The following CFAP70 variants were observed in gnomAD, a reference collection of about 807,000 sequenced individuals.
CFAP70 encodes the protein cilia- and flagella-associated protein 70.
A neutral mutation model predicts 137.6 loss-of-function variants in CFAP70; 81 were observed. That is an observed-to-expected ratio of 0.59 (90% confidence interval 0.49 to 0.71). CFAP70 has a LOEUF of 0.71. CFAP70 is among the 30% of genes least tolerant of loss of function. The probability of loss-of-function intolerance (pLI) is 0.00; values close to 1 mark genes in which losing one functional copy is unlikely to be tolerated. For missense variants in CFAP70, 976 were observed against 1,226.7 expected, an observed-to-expected ratio of 0.80 and a Z score of 3.05; for synonymous variants, 382 against 423.6, an observed-to-expected ratio of 0.90 and a Z score of 1.20.
At chr10:73,315,048 CA>C (rs1186314540) in intron 9 of CFAP70, among the ~76,000 whole-genome samples, 2 of 151,612 alleles carry the variant, frequency 1.3e-5, no homozygotes, top group African/African-American at 2.4e-5. Flanking sequence ...ACTGTCTCTA[CA>C]AAAAAAATTT....
chr10:73,335,552 G>C, intron 6 of CFAP70, 28 bp from the exon 8 acceptor site: 1 of 1,534,984 alleles, frequency 6.5e-7, no homozygotes, highest in Non-Finnish European at 9.0e-7. Context: ...TTCTGTTCTC[G>C]GTATGTGTGC....
At chr10:73,266,519 C>T (rs1005785192) in intron 25 of CFAP70, among the ~76,000 whole-genome samples, 12 of 152,042 alleles carry the variant, frequency 7.9e-5, no homozygotes, top group African/African-American at 1.4e-4. Flanking sequence ...GTAGAAGTGA[C>T]GATAACATTT....
At chr10:73,328,183 C>T (rs1371823148) in intron 8 of CFAP70, among the ~76,000 whole-genome samples, 16 of 152,026 alleles carry the variant, frequency 1.1e-4, no homozygotes, top group Non-Finnish European at 1.5e-4. Flanking sequence ...GAAATAACAC[C>T]GCATATCTAC....
chr10:73,261,715 C>G (rs952077454), intron 25 of CFAP70, among the ~76,000 whole-genome samples: 1 of 151,910 alleles, frequency 6.6e-6, no homozygotes, highest in Non-Finnish European at 1.5e-5. Flanking sequence ...CCATGCTGTC[C>G]GAGCTGGTCT....
chr10:73,339,062 G>A (rs914709201), intron 6 of CFAP70, among the ~76,000 whole-genome samples: 1 of 151,902 alleles, frequency 6.6e-6, no homozygotes, highest in African/African-American at 2.4e-5. Context: ...GGAATTACAG[G>A]TGTGTGCCAA....
chr10:73,302,226 G>T (rs950616195), intron 12 of CFAP70, among the ~76,000 whole-genome samples: 1 of 152,148 alleles, frequency 6.6e-6, no homozygotes, highest in Admixed American at 6.5e-5. Context: ...AGATAGAAAA[G>T]GTGTTCAAGC....
chr10:73,313,513 A>G (rs2050099191), intron 9 of CFAP70, among the ~76,000 whole-genome samples: 1 of 147,190 alleles, frequency 6.8e-6, no homozygotes, highest in Non-Finnish European at 1.5e-5. Context: ...ACTGCATTCC[A>G]GCCTGGGCTA....
At chr10:73,261,506 TAG>T (rs1317840433) in intron 25 of CFAP70, among the ~76,000 whole-genome samples, 1 of 152,170 alleles carries the variant, frequency 6.6e-6, no homozygotes, top group Non-Finnish European at 1.5e-5. Context: ...GAAGCTTGTG[TAG>T]GGAAACTCCC....
chr10:73,344,989 T>TA, intron 5 of CFAP70, 76 bp downstream of exon 6: 2 of 1,219,370 alleles, frequency 1.6e-6, no homozygotes, highest in Non-Finnish European at 2.4e-6. Flanking sequence ...AATGAAATCT[T>TA]AGAGGTGAGG....
At chr10:73,307,078 C>T (rs1002372286) in intron 12 of CFAP70, among the ~76,000 whole-genome samples, 3 of 151,626 alleles carry the variant, frequency 2.0e-5, no homozygotes, top group Non-Finnish European at 4.4e-5. Context: ...AACAATGTAA[C>T]GGGAGGGATG....
At chr10:73,260,328 T>C (rs144697520) in intron 25 of CFAP70, among the ~76,000 whole-genome samples, 4 of 152,298 alleles carry the variant, frequency 2.6e-5, no homozygotes, top group African/African-American at 7.2e-5. Context: ...AGCAAGACCC[T>C]GTCTCTTAAG....
chr10:73,276,214 G>T (rs1306400680), intron 21 of CFAP70: 1 of 151,692 alleles, frequency 6.6e-6, no homozygotes, highest in African/African-American at 2.4e-5. Flanking sequence ...TCCCAAAAGT[G>T]CTGGAATTAT....
chr10:73,292,062 T>A, intron 16 of CFAP70, 48 bp from the exon 18 acceptor site: 2 of 1,602,744 alleles, frequency 1.2e-6, no homozygotes, highest in Non-Finnish European at 1.7e-6. Flanking sequence ...GTCCTATTTT[T>A]ATGCATACGA....
intron 26 of CFAP70, 98 bp downstream of exon 27, chr10:73,256,271 A>G: frequency 7.2e-7 from 1 of 1,379,516 alleles, no homozygotes. Flanking sequence ...CTAGAAAAAT[A>G]TTCACATTAT....
At chr10:73,305,510 A>T (rs555523853) in intron 12 of CFAP70, among the ~76,000 whole-genome samples, 1 of 152,224 alleles carries the variant, frequency 6.6e-6, no homozygotes, top group Non-Finnish European at 1.5e-5. Context: ...CAGGAAGAAA[A>T]GGCTGAGGCA....
At chr10:73,293,422 T>G (rs1564797425) in intron 15 of CFAP70, 34 bp from the exon 17 acceptor site, 2 of 1,541,742 alleles carry the variant, frequency 1.3e-6, no homozygotes, top group East Asian at 2.3e-5. Context: ...TAGACAAAAA[T>G]GAAACAATTA....
chr10:73,344,200 T>C (rs1352138370), intron 5 of CFAP70, among the ~76,000 whole-genome samples: 1 of 151,924 alleles, frequency 6.6e-6, no homozygotes, highest in Non-Finnish European at 1.5e-5. Context: ...CTAACCTCAG[T>C]TGATCTACCT....
chr10:73,360,363 T>C (rs901999254), upstream of CFAP70, among the ~76,000 whole-genome samples: 7 of 152,126 alleles, frequency 4.6e-5, no homozygotes, highest in African/African-American at 1.7e-4. Flanking sequence ...CATATGCACA[T>C]GCATGCACAC....
At chr10:73,274,699 T>C in intron 22 of CFAP70, 105 bp from the exon 24 acceptor site, 1 of 1,093,024 alleles carries the variant, frequency 9.1e-7, no homozygotes, top group Non-Finnish European at 1.3e-6. Context: ...CCATTTCCTT[T>C]CTCTTTTCTT....
Sources: allele counts gnomAD v4.1 joint callset (sites outside exome capture counted in the v4.1 genomes callset), GRCh38; gene constraint gnomAD v4.1.1; transcripts MANE v1.5; gene names NCBI Gene and HGNC (gene_info 2026-07-23, HGNC 2026-07-21).